The following LRRTM3 variants were observed in gnomAD, a reference collection of about 807,000 sequenced individuals.
The protein encoded by LRRTM3 is leucine rich repeat transmembrane neuronal 3.
LRRTM3 carries 24 observed loss-of-function variants against 44.7 expected under a neutral mutation model. The ratio of observed to expected loss-of-function variants is 0.54; its 90% CI spans 0.39 to 0.76. The LOEUF (loss-of-function observed/expected upper bound fraction) is 0.76, where lower values mean the gene tolerates loss of function less well. Ranked by LOEUF, LRRTM3 falls within the 30% of genes least tolerant of loss-of-function variation. The pLI, the probability that LRRTM3 is intolerant of heterozygous loss-of-function variation, is 0.00. For synonymous variants in LRRTM3, 277 were observed against 278.7 expected, an observed-to-expected ratio of 0.99 and a Z score of 0.06; for missense variants, 587 against 702.2, an observed-to-expected ratio of 0.84 and a Z score of 1.85.
chr10:67,013,125 A>G (rs1852444528), intron 2 of LRRTM3: 1 of 152,166 alleles, frequency 6.6e-6, no homozygotes, highest in African/African-American at 2.4e-5. Context: ...ACATGGAGAA[A>G]TTAAGGCTCA....
intron 2 of LRRTM3, among the ~76,000 whole-genome samples, chr10:67,000,793 A>T (rs1851639837): frequency 6.6e-6 from 1 of 152,128 alleles, no homozygotes; most frequent in South Asian, 2.1e-4. Context: ...CGCATTATGA[A>T]GAGTAGAGAA....
chr10:67,061,813 C>G (rs1467475594), intron 2 of LRRTM3, among the ~76,000 whole-genome samples: 7 of 152,090 alleles, frequency 4.6e-5, no homozygotes, highest in Admixed American at 4.6e-4. Flanking sequence ...AAACAAATTC[C>G]TCATTGGCAG....
chr10:67,045,080 T>G (rs780933351), intron 2 of LRRTM3, among the ~76,000 whole-genome samples: 1 of 152,088 alleles, frequency 6.6e-6, no homozygotes, highest in Non-Finnish European at 1.5e-5. Context: ...ATGAAAGAAA[T>G]AAATACATAT....
chr10:66,995,825 A>C (rs976841966), intron 2 of LRRTM3, among the ~76,000 whole-genome samples: 3 of 152,174 alleles, frequency 2.0e-5, no homozygotes, highest in Admixed American at 6.5e-5. Context: ...CTGCCTCTAC[A>C]AACCTTCCTG....
At chr10:67,041,330 C>A (rs1049005707) in intron 2 of LRRTM3, among the ~76,000 whole-genome samples, 10 of 152,040 alleles carry the variant, frequency 6.6e-5, no homozygotes, top group African/African-American at 1.4e-4. Flanking sequence ...GCCCAAGGGG[C>A]CTTCGTGATA....
At chr10:66,997,791 A>G (rs1361608701) in intron 2 of LRRTM3, among the ~76,000 whole-genome samples, 2 of 152,106 alleles carry the variant, frequency 1.3e-5, no homozygotes, top group African/African-American at 2.4e-5. Context: ...GCTATTTCCT[A>G]TTCTCTTCTT....
intron 2 of LRRTM3, among the ~76,000 whole-genome samples, chr10:66,958,308 C>CAAAAAAAAAAAAA (rs35076056): frequency 1.2e-5 from 1 of 86,946 alleles, no homozygotes; most frequent in African/African-American, 4.1e-5. Flanking sequence ...TGCTTTCTTG[C>CAAAAAAAAAAAAA]AAAAAAAAAA....
At chr10:66,978,536 A>AT (rs1429128054) in intron 2 of LRRTM3, among the ~76,000 whole-genome samples, 11 of 94,382 alleles carry the variant, frequency 1.2e-4, no homozygotes, top group Admixed American at 2.2e-4. Flanking sequence ...CAAAAAAAAA[A>AT]AAAAAAAAAA....
chr10:66,960,361 C>T (rs1436329741), intron 2 of LRRTM3, among the ~76,000 whole-genome samples: 1 of 152,118 alleles, frequency 6.6e-6, no homozygotes, highest in African/African-American at 2.4e-5. Context: ...CTTGACTACA[C>T]ATCTAGCTGT....
intron 2 of LRRTM3, among the ~76,000 whole-genome samples, chr10:66,985,968 C>T (rs1341544733): frequency 6.6e-6 from 1 of 152,110 alleles, no homozygotes; most frequent in Non-Finnish European, 1.5e-5. Context: ...CCTCATGATC[C>T]TCTGGCCTTG....
chr10:66,991,483 G>A (rs1851033905), intron 2 of LRRTM3, among the ~76,000 whole-genome samples: 1 of 152,044 alleles, frequency 6.6e-6, no homozygotes, highest in African/African-American at 2.4e-5. Flanking sequence ...ATTTAAAAGG[G>A]TATATTTAAA....
At chr10:66,966,495 T>TTC (rs1163238198) in intron 2 of LRRTM3, among the ~76,000 whole-genome samples, 1 of 148,756 alleles carries the variant, frequency 6.7e-6, no homozygotes, top group Non-Finnish European at 1.5e-5. Flanking sequence ...ATTTTTTTTT[T>TTC]CAGGATATAC....
rs552469863 is a variant in LRRTM3, at chr10:66,926,670, T to C, written c.4+83T>C. The stretch of plus-strand genomic sequence containing the variant: ...GTGTGTGTAATAATTCTGCCTTAAT[T>C]ATTTTAGAGATTACCTTGCTCTGCT... On this transcript the variant is annotated intron_variant, in intron 1 of 2. Transcript: ENST00000361320. 5 of 1,474,120 alleles carry C rather than the reference T, an allele frequency of 3.4e-6. No homozygotes were observed. The East Asian group carries it at 9.0e-5, about 27-fold the overall frequency. 91.3% of individuals were successfully genotyped at this position (1,474,120 alleles called of 1,614,324 possible).
At chr10:67,006,421 T>C (rs920556181) in intron 2 of LRRTM3, among the ~76,000 whole-genome samples, 6 of 152,198 alleles carry the variant, frequency 3.9e-5, no homozygotes, top group African/African-American at 1.4e-4. Flanking sequence ...CTGTGCTATG[T>C]ATATACTACT....
In LRRTM3 at chr10:67,101,427, G is replaced by T. The variant is rs764921060; in HGVS notation, c.*3631G>T. Among the ~76,000 whole-genome samples the T allele has an allele frequency of 2.0e-5, 3 of 146,564 alleles. No homozygotes were observed. Among genetic ancestry groups the T allele is most frequent in the Non-Finnish European group, 4.5e-5 (3 of 67,004 alleles). ...TTAAACCATGAAATTTTTTTTACTTGTAATAATAGAGAACAATTTTCTCCA... is the reference window on the plus strand; with the variant it reads ...TTAAACCATGAAATTTTTTTTACTTTTAATAATAGAGAACAATTTTCTCCA... On this transcript the variant is annotated 3_prime_UTR_variant, in exon 3 of 3. Transcript: ENST00000361320.
chr10:67,031,733 T>C (rs1246499411), intron 2 of LRRTM3, among the ~76,000 whole-genome samples: 1 of 152,164 alleles, frequency 6.6e-6, no homozygotes, highest in African/African-American at 2.4e-5. Context: ...TCAAAGATAA[T>C]GTAATTCTTG....
intron 2 of LRRTM3, among the ~76,000 whole-genome samples, chr10:66,995,680 A>C (rs1239118482): frequency 1.3e-5 from 2 of 152,058 alleles, no homozygotes; most frequent in African/African-American, 2.4e-5. Context: ...GACAACTAAG[A>C]CTCAGACTCA....
At chr10:67,028,989 G>T (rs754157411) in intron 2 of LRRTM3, among the ~76,000 whole-genome samples, 1 of 152,022 alleles carries the variant, frequency 6.6e-6, no homozygotes, top group African/African-American at 2.4e-5. Flanking sequence ...CAATCATATC[G>T]CAACTCCCCA....
intron 2 of LRRTM3, among the ~76,000 whole-genome samples, chr10:66,989,606 A>G (rs527580093): frequency 1.3e-5 from 2 of 152,306 alleles, no homozygotes; most frequent in South Asian, 2.1e-4. Context: ...AGAGATGTGT[A>G]TATATATACA....
Sources: allele counts gnomAD v4.1 joint callset (sites outside exome capture counted in the v4.1 genomes callset), GRCh38; gene constraint gnomAD v4.1.1; transcripts MANE v1.5; gene names NCBI Gene and HGNC (gene_info 2026-07-23, HGNC 2026-07-21).